PROM1: variants seen among roughly 807,000 people sequenced by gnomAD.
PROM1 encodes the protein prominin 1.
PROM1 carries 105 observed loss-of-function variants against 116.9 expected under a neutral mutation model. The ratio of observed to expected loss-of-function variants is 0.90; its 90% CI spans 0.77 to 1.06. The LOEUF (loss-of-function observed/expected upper bound fraction) is 1.06, where lower values mean the gene tolerates loss of function less well. PROM1 is among the 50% of genes least tolerant of loss of function. PROM1 has a pLI of 0.00. For synonymous variants in PROM1, 393 were observed against 387.0 expected, an observed-to-expected ratio of 1.02 and a Z score of -0.18; for missense variants, 1,122 against 1,045.2, an observed-to-expected ratio of 1.07 and a Z score of -1.01.
At chr4:16,018,562 C>T in intron 8 of PROM1, 22 bp from the exon 9 acceptor site, 3 of 1,578,056 alleles carry the variant, frequency 1.9e-6, no homozygotes, top group Non-Finnish European at 2.6e-6. Flanking sequence ...CAGCCCGCTT[C>T]AGAACACACA....
chr4:15,980,332 T>C (rs1405809843), intron 24 of PROM1, 90 bp downstream of exon 24: 2 of 869,960 alleles, frequency 2.3e-6, no homozygotes, highest in Admixed American at 2.4e-5. Context: ...AAATCAACTT[T>C]AACCTCATCA....
chr4:16,035,822 C>G, intron 3 of PROM1, 61 bp from the exon 4 acceptor site: 1 of 1,509,060 alleles, frequency 6.6e-7, no homozygotes, highest in Non-Finnish European at 9.2e-7. Context: ...AGAAAACAGA[C>G]AGAAAAAGTT....
rs1193395477 is a variant in PROM1, at chr4:16,018,349, G to A, written c.976C>T (p.Leu326=). ...CNSIRLSLSQ[L]NSNPELRQLP... The stretch of plus-strand genomic sequence containing the variant: ...TGCCTCAGTTCAGGGTTGCTATTCA[G>A]CTGGCTTAGAGACAATCTGATGCTG... Residue 326 remains leucine, a synonymous_variant, in exon 9 of 28, where the codon CTG becomes TTG. Transcript: ENST00000447510. 1 of 1,613,476 alleles carries A rather than the reference G, an allele frequency of 6.2e-7. No individual in the cohort carries two copies. The highest frequency in any genetic ancestry group is 1.7e-5 in the Admixed American group (1 of 60,020).
In PROM1 at chr4:16,080,364, C is replaced by CA. The variant is rs768689645; in HGVS notation, c.-213+3613dup. Among the ~76,000 whole-genome samples the CA allele has an allele frequency of 6.1e-5, 9 of 148,662 alleles. No individual in the cohort carries two copies. The East Asian group carries it at 8.1e-4, about 13-fold the overall frequency. ...TGAAACCCTGTCTCTACTAAAAATA[C>CA]AAAAAAAATTAGCCAGGTGTGGTGG... is the stretch of plus-strand genomic sequence containing the variant. On this transcript the variant is annotated intron_variant, in intron 1 of 27. Coordinates refer to ENST00000447510, the MANE Select transcript of PROM1 (RefSeq NM_006017.3).
At chr4:16,062,877 A>G (rs1740662943) in intron 2 of PROM1, among the ~76,000 whole-genome samples, 1 of 152,214 alleles carries the variant, frequency 6.6e-6, no homozygotes, top group Non-Finnish European at 1.5e-5. Context: ...AATGTTAAGT[A>G]AAAAGTTTAA....
intron 2 of PROM1, among the ~76,000 whole-genome samples, chr4:16,043,956 C>A (rs934067501): frequency 2.0e-5 from 3 of 152,168 alleles, no homozygotes; most frequent in Non-Finnish European, 4.4e-5. Flanking sequence ...TCACACACCC[C>A]CCAGGTCAGG....
In PROM1 at chr4:15,971,052, T is replaced by C. The variant is rs1274764383; in HGVS notation, c.*15A>G. ...AAAGCATCAAACTTACCTCAAGCAG[T>C]TTCAACATCAGCTATCAATGTTGTG... On this transcript the variant is annotated 3_prime_UTR_variant, in exon 27 of 28. Transcript: ENST00000447510. The C allele has an allele frequency of 1.3e-6, 2 of 1,582,766 alleles. No homozygotes were observed. The highest frequency in any genetic ancestry group is 1.7e-6 in the Non-Finnish European group (2 of 1,163,966).
chr4:16,006,855 C>T (rs2149237302), intron 12 of PROM1, among the ~76,000 whole-genome samples, 165 bp from the exon 13 acceptor site: 1 of 152,322 alleles, frequency 6.6e-6, no homozygotes, highest in African/African-American at 2.4e-5. Context: ...AAGATCCCTT[C>T]ACACCCTTTG....
chr4:16,015,041 G>A lies in PROM1; in HGVS notation c.1077+1125C>T, dbSNP rs368122002. 5.9e-5 allele frequency among the ~76,000 whole-genome samples: 9 copies of A among 151,470 alleles called. 1 individual carries two copies. The East Asian group carries it at 1.2e-3, about 20-fold the overall frequency. ...GACCTAGTCAAGAAGCCCAGGAAAG[G>A]TCTGTTAAGAAGGTGATATATGGAC... On this transcript the variant is annotated intron_variant, in intron 10 of 27. Coordinates refer to ENST00000447510, the MANE Select transcript of PROM1 (RefSeq NM_006017.3).
chr4:16,056,316 C>A (rs542645228), intron 2 of PROM1, among the ~76,000 whole-genome samples: 2 of 152,008 alleles, frequency 1.3e-5, no homozygotes, highest in South Asian at 4.2e-4. Context: ...ATCTTTATAA[C>A]GCAGGACTGT....
rs563492197 is a variant in PROM1, at chr4:15,972,165, GTA to G, written c.2583-1085_2583-1084del. Among the ~76,000 whole-genome samples the G allele has an allele frequency of 1.6e-3, 237 of 152,276 alleles. 3 individuals carry two copies. The highest frequency in any genetic ancestry group is 5.6e-3 in the African/African-American group (232 of 41,546). ...CCTAGCATTGCCTCTCCTCCAGACA[GTA>G]TATCCATCCTATCCTGGAAGAGAGG... On this transcript the variant is annotated intron_variant, in intron 26 of 27. Transcript: ENST00000447510.
chr4:16,009,197 C>T (rs1726269171), intron 11 of PROM1, 89 bp from the exon 12 acceptor site: 1 of 1,159,836 alleles, frequency 8.6e-7, no homozygotes, highest in Middle Eastern at 2.9e-4. Flanking sequence ...GCCTGAACCA[C>T]CTTTAGTTTT....
chr4:16,055,192 C>A lies in PROM1; in HGVS notation c.221-16191G>T, dbSNP rs560826455. ...GAACCTAGCATTCTCCTAGGCAAGA[C>A]TATTTTCCTTGGAGAAACAAAATGT... On this transcript the variant is annotated intron_variant, in intron 2 of 27. Transcript: ENST00000447510. The A allele has an allele frequency of 1.4e-3, 436 of 308,494 alleles. 8 individuals carry two copies. Among genetic ancestry groups the A allele is most frequent in the South Asian group, 0.012 (423 of 35,076 alleles). The allele number at this position is 308,494 out of a possible 1,614,324, so 19.1% of individuals were successfully genotyped here.
At chr4:15,990,062 A>G (rs938322232) in intron 18 of PROM1, among the ~76,000 whole-genome samples, 2 of 152,134 alleles carry the variant, frequency 1.3e-5, no homozygotes, top group African/African-American at 4.8e-5. Flanking sequence ...AGTGCCAGAG[A>G]CTGTGTTCTC....
At chr4:15,975,392 T>C (rs1176576658) in intron 26 of PROM1, among the ~76,000 whole-genome samples, 2 of 152,198 alleles carry the variant, frequency 1.3e-5, no homozygotes, top group African/African-American at 4.8e-5. Context: ...GCTAATTTTT[T>C]GTATTTTTAG....
rs113895168 is a variant in PROM1 at position 16,000,577 on chromosome 4, G to A, written c.1497C>T (p.Ile499=). 6,663 of 1,586,792 alleles carry A rather than the reference G, an allele frequency of 4.2e-3. 19 individuals are homozygous for A. Among genetic ancestry groups the A allele is most frequent in the Non-Finnish European group, 5.1e-3 (5,934 of 1,156,944 alleles). Residue 499 remains isoleucine, a synonymous_variant, in exon 14 of 28, where the codon ATC becomes ATT. Coordinates refer to ENST00000447510, the MANE Select transcript of PROM1 (RefSeq NM_006017.3). ...CAAAGACAAAGGTAAGAACCACAATGATCATCAATATCCAGCAAAAGAGGA... is the reference window on the plus strand; with the variant it reads ...CAAAGACAAAGGTAAGAACCACAATAATCATCAATATCCAGCAAAAGAGGA... ...LSFLFCWILM[I]IVVLTFVFGA... is the part of the protein sequence containing the mutation.
At chr4:16,021,097 C>CT (rs1455722475) in intron 8 of PROM1, among the ~76,000 whole-genome samples, 1 of 28,070 alleles carries the variant, frequency 3.6e-5, no homozygotes, top group East Asian at 4.0e-4. Context: ...TCATTTTTAG[C>CT]CAAAAAAAAA....
At chr4:16,045,576 C>A (rs1736358485) in intron 2 of PROM1, among the ~76,000 whole-genome samples, 1 of 152,178 alleles carries the variant, frequency 6.6e-6, no homozygotes, top group Non-Finnish European at 1.5e-5. Context: ...TAGCTACGTG[C>A]CTCCTCTACC....
chr4:15,972,385 C>A (rs774894433), intron 26 of PROM1, among the ~76,000 whole-genome samples: 1 of 152,136 alleles, frequency 6.6e-6, no homozygotes, highest in Non-Finnish European at 1.5e-5. Context: ...GCTTTCATGA[C>A]GCATCATCCC....
Sources: allele counts gnomAD v4.1 joint callset (sites outside exome capture counted in the v4.1 genomes callset), GRCh38; gene constraint gnomAD v4.1.1; transcripts MANE v1.5; gene names NCBI Gene and HGNC (gene_info 2026-07-23, HGNC 2026-07-21).